The following AGPAT3 variants were observed in gnomAD, a reference collection of about 807,000 sequenced individuals.
The protein encoded by AGPAT3 is 1-acyl-sn-glycerol-3-phosphate acyltransferase gamma.
AGPAT3 carries 5 observed loss-of-function variants against 47.3 expected under a neutral mutation model. That is an observed-to-expected ratio of 0.11 (90% CI 0.06 to 0.22). The LOEUF is 0.22. AGPAT3 is among the 10% of genes least tolerant of loss of function. The pLI, the probability that AGPAT3 is intolerant of heterozygous loss-of-function variation, is 1.00. For synonymous variants in AGPAT3, 212 were observed against 208.3 expected (o/e 1.02, Z -0.15); for missense variants, 315 against 493.0 (o/e 0.64, Z 3.42).
At chr21:43,905,346 C>G (rs1394041383) in intron 2 of AGPAT3, among the ~76,000 whole-genome samples, 1 of 151,984 alleles carries the variant, frequency 6.6e-6, no homozygotes, top group East Asian at 1.9e-4. Context: ...CCCGCCACCA[C>G]GTCCGGCTAA....
chr21:43,924,573 G>A (rs747855743), intron 2 of AGPAT3, among the ~76,000 whole-genome samples: 8 of 152,296 alleles, frequency 5.3e-5, no homozygotes, highest in East Asian at 1.9e-4. Flanking sequence ...GCAATCAGGC[G>A]GTCAGGGTGG....
chr21:43,877,492 G>C (rs1226312691), intron 1 of AGPAT3, among the ~76,000 whole-genome samples: 2 of 152,004 alleles, frequency 1.3e-5, no homozygotes. Context: ...GCCCAGTCTG[G>C]AGTACAATGG....
chr21:43,875,020 G>A (rs556306356), intron 1 of AGPAT3, among the ~76,000 whole-genome samples: 4 of 151,932 alleles, frequency 2.6e-5, no homozygotes, highest in African/African-American at 7.3e-5. Context: ...TCACTCAGTC[G>A]CCCAAGCTGG....
chr21:43,897,716 G>A (rs1032069474), intron 1 of AGPAT3, among the ~76,000 whole-genome samples: 20 of 152,092 alleles, frequency 1.3e-4, no homozygotes, highest in Non-Finnish European at 2.5e-4. Flanking sequence ...GGGCAGAGAC[G>A]CTCCTCACTT....
At chr21:43,916,068 T>C (rs2086721962) in intron 2 of AGPAT3, among the ~76,000 whole-genome samples, 1 of 152,246 alleles carries the variant, frequency 6.6e-6, no homozygotes, top group Non-Finnish European at 1.5e-5. Context: ...CCCTGTTTTC[T>C]GATTTTGTTA....
At chr21:43,926,719 G>A (rs759445875) in intron 2 of AGPAT3, among the ~76,000 whole-genome samples, 8 of 148,422 alleles carry the variant, frequency 5.4e-5, no homozygotes, top group Non-Finnish European at 1.2e-4. Context: ...CAGCACTTTG[G>A]GAGGCCGAGG....
Position 43,877,119 on chromosome 21 carries a change from G to A in AGPAT3, c.-112+11774G>A, listed in dbSNP as rs149239999. On this transcript the variant is annotated intron_variant, in intron 1 of 9. Coordinates refer to ENST00000291572, the MANE Select transcript of AGPAT3 (RefSeq NM_020132.5). ...GGGGATCCGCTTGCCTTGGCCTCCCGAAGTGCTGGGATTACAGGTGTGAGC... is the reference window on the plus strand; with the variant it reads ...GGGGATCCGCTTGCCTTGGCCTCCCAAAGTGCTGGGATTACAGGTGTGAGC... Among the ~76,000 whole-genome samples the A allele has an allele frequency of 8.4e-3, 1,273 of 152,112 alleles. 9 individuals carry two copies. Among genetic ancestry groups the A allele is most frequent in the African/African-American group, 0.021 (851 of 41,490 alleles).
At position 43,913,775 on chromosome 21, in the gene AGPAT3, C is replaced by A. The variant is rs551778914; in HGVS notation, c.-49+9756C>A. Among the ~76,000 whole-genome samples, 91 of 152,228 alleles carry A rather than the reference C, an allele frequency of 6.0e-4. 1 individual carries two copies. The highest frequency in any genetic ancestry group is 2.1e-3 in the African/African-American group (88 of 41,526). On this transcript the variant is annotated intron_variant, in intron 2 of 9. Coordinates refer to ENST00000291572, the MANE Select transcript of AGPAT3 (RefSeq NM_020132.5). ...CAGAGACCAGGGAGGCTGCTGAATC[C>A]CGCAGGGCACAGCCGGCCCTGCAGC...
At chr21:43,878,615 C>T (rs1337041577) in intron 1 of AGPAT3, among the ~76,000 whole-genome samples, 1 of 152,214 alleles carries the variant, frequency 6.6e-6, no homozygotes, top group Non-Finnish European at 1.5e-5. Context: ...ATTTCAAAGA[C>T]GTTAGACACG....
At chr21:43,978,870 C>G (rs772725033) in intron 8 of AGPAT3, among the ~76,000 whole-genome samples, 2 of 152,220 alleles carry the variant, frequency 1.3e-5, no homozygotes, top group Non-Finnish European at 2.9e-5. Context: ...GAACTACTTT[C>G]TCTTTGTTTT....
At chr21:43,893,745 A>AGCCGCTC (rs2086151010) in intron 1 of AGPAT3, among the ~76,000 whole-genome samples, 1 of 152,206 alleles carries the variant, frequency 6.6e-6, no homozygotes, top group Non-Finnish European at 1.5e-5. Flanking sequence ...AGATGGGAAG[A>AGCCGCTC]GCCGCTCGGC....
At chr21:43,875,886 G>T (rs1370469807) in intron 1 of AGPAT3, among the ~76,000 whole-genome samples, 2 of 152,240 alleles carry the variant, frequency 1.3e-5, no homozygotes, top group African/African-American at 4.8e-5. Context: ...GGGATTACAG[G>T]TGTGAGCCAC....
At chr21:43,907,874 C>A (rs1193019701) in intron 2 of AGPAT3, among the ~76,000 whole-genome samples, 2 of 152,182 alleles carry the variant, frequency 1.3e-5, no homozygotes, top group African/African-American at 2.4e-5. Context: ...AGACCGATAC[C>A]ATGTTAAAGC....
chr21:43,882,532 G>C (rs987545477), intron 1 of AGPAT3: 1 of 152,234 alleles, frequency 6.6e-6, no homozygotes, highest in Non-Finnish European at 1.5e-5. Flanking sequence ...TTCATTCCTG[G>C]AAAATCCAGT....
intron 3 of AGPAT3, chr21:43,966,452 G>C (rs939402880): frequency 6.6e-6 from 1 of 152,180 alleles, no homozygotes; most frequent in Admixed American, 6.5e-5. Context: ...ATTTCCTCCC[G>C]TCCACTGCCT....
At chr21:43,957,634 A>G (rs868072143) in intron 2 of AGPAT3, among the ~76,000 whole-genome samples, 60 of 94,162 alleles carry the variant, frequency 6.4e-4, no homozygotes, top group African/African-American at 2.3e-3. Context: ...CCCTGCACAC[A>G]GGGATCTCGG....
chr21:43,874,437 A>G (rs949960613), intron 1 of AGPAT3, among the ~76,000 whole-genome samples: 2 of 152,214 alleles, frequency 1.3e-5, no homozygotes, highest in African/African-American at 4.8e-5. Context: ...CAATTTTATT[A>G]TTCTTCCATG....
chr21:43,925,813 C>A (rs2087035875), intron 2 of AGPAT3, among the ~76,000 whole-genome samples: 1 of 152,242 alleles, frequency 6.6e-6, no homozygotes, highest in African/African-American at 2.4e-5. Flanking sequence ...CAGGACGTGC[C>A]ACAGCAGGAC....
chr21:43,951,848 G>T (rs898932042), intron 2 of AGPAT3, among the ~76,000 whole-genome samples: 1 of 152,218 alleles, frequency 6.6e-6, no homozygotes, highest in African/African-American at 2.4e-5. Flanking sequence ...GCGGTGCGGA[G>T]GTGGTGGGCT....
Sources: allele counts gnomAD v4.1 joint callset (sites outside exome capture counted in the v4.1 genomes callset), GRCh38; gene constraint gnomAD v4.1.1; transcripts MANE v1.5; gene names NCBI Gene and HGNC (gene_info 2026-07-23, HGNC 2026-07-21).